PLCL2: variants seen among roughly 807,000 people sequenced by gnomAD.
PLCL2 encodes inactive phospholipase C-like protein 2.
A neutral mutation model predicts 79.6 loss-of-function variants in PLCL2; 4 were observed. The ratio of observed to expected loss-of-function variants is 0.05; its 90% CI spans 0.02 to 0.11. The LOEUF (loss-of-function observed/expected upper bound fraction) is 0.11. Among genes scored for constraint, PLCL2 ranks in the 10% least tolerant of loss-of-function variants. The pLI, the probability that PLCL2 is intolerant of heterozygous loss-of-function variation, is 1.00. For synonymous variants in PLCL2, 484 were observed against 457.7 expected (o/e 1.06, Z -0.73); for missense variants, 895 against 1,291.0 (o/e 0.69, Z 4.70).
intron 3 of PLCL2, among the ~76,000 whole-genome samples, chr3:17,029,046 G>A (rs1559524972): frequency 6.6e-6 from 1 of 152,116 alleles, no homozygotes; most frequent in Non-Finnish European, 1.5e-5. Context: ...GGCGCAGAGG[G>A]TAGAGTGGCT....
chr3:16,992,979 A>G lies in PLCL2; in HGVS notation c.328-16695A>G, dbSNP rs758322572. ...GTAGCATGGACTCCCAGACTGGACAAGGTGAAGCCTACAGGTTGAAAGGTG... is the reference window on the plus strand; with the variant it reads ...GTAGCATGGACTCCCAGACTGGACAGGGTGAAGCCTACAGGTTGAAAGGTG... On this transcript the variant is annotated intron_variant, in intron 1 of 5. Transcript: ENST00000615277. Among the ~76,000 whole-genome samples the G allele has an allele frequency of 1.3e-3, 191 of 152,208 alleles. 3 individuals are homozygous for G. The highest frequency in any genetic ancestry group is 4.1e-4 in the Non-Finnish European group (28 of 68,032).
intron 3 of PLCL2, among the ~76,000 whole-genome samples, chr3:17,027,967 A>G (rs981904130): frequency 1.3e-5 from 2 of 152,232 alleles, no homozygotes; most frequent in Non-Finnish European, 2.9e-5. Flanking sequence ...GCTGTGTGCT[A>G]TAACTCAATA....
chr3:17,009,825 A>C lies in PLCL2; in HGVS notation c.479A>C (p.His160Pro). The C allele has an allele frequency of 6.2e-7, 1 of 1,613,844 alleles. No individual in the cohort carries two copies. Among genetic ancestry groups the C allele is most frequent in the Non-Finnish European group, 8.5e-7 (1 of 1,179,730 alleles). ...GTTCGCTCCAACTCTAGAATTTATC[A>C]TAGGTACTTTTTACTGGATGCTGAC... ...KKVRSNSRIY[H>P]RYFLLDADMQ... Residue 160 changes from histidine (H) to proline (P), a missense_variant, in exon 2 of 6, where the codon CAT (histidine) becomes CCT (proline). Physicochemically the swap from His to Pro is moderately conservative, Grantham distance 77 (BLOSUM62 -2). Coordinates refer to ENST00000615277, the MANE Select transcript of PLCL2 (RefSeq NM_001144382.2). This position sits in a 1 kb window ranked among gnomAD's most constrained non-coding sequence, Gnocchi z 4.0.
intron 1 of PLCL2, among the ~76,000 whole-genome samples, chr3:16,981,676 A>G (rs2064000298): frequency 6.6e-6 from 1 of 152,240 alleles, no homozygotes; most frequent in Non-Finnish European, 1.5e-5. Context: ...CCCTTAGTAC[A>G]AAAGTAGTTG....
At chr3:17,067,031 CA>C (rs905895583) in intron 4 of PLCL2, among the ~76,000 whole-genome samples, 5 of 151,416 alleles carry the variant, frequency 3.3e-5, no homozygotes, top group African/African-American at 1.2e-4. Flanking sequence ...AAATTACATC[CA>C]AAAAAAGCAC....
At chr3:16,957,301 A>G (rs1427443103) in intron 1 of PLCL2, among the ~76,000 whole-genome samples, 2 of 152,192 alleles carry the variant, frequency 1.3e-5, no homozygotes, top group African/African-American at 4.8e-5. Flanking sequence ...GTAGTCACTC[A>G]GGAGCAGGTT....
At chr3:17,039,881 C>T (rs2064701809) in intron 3 of PLCL2, among the ~76,000 whole-genome samples, 2 of 152,184 alleles carry the variant, frequency 1.3e-5, no homozygotes, top group Admixed American at 1.3e-4. Context: ...TCATTATCAG[C>T]AGAGGAACTT....
intron 4 of PLCL2, among the ~76,000 whole-genome samples, chr3:17,052,654 C>T (rs1040765924): frequency 9.2e-5 from 14 of 152,200 alleles, no homozygotes; most frequent in Admixed American, 2.6e-4. Flanking sequence ...TTCCTTCTGC[C>T]TCCTCCACCT....
chr3:16,904,888 C>A (rs1696715772), intron 1 of PLCL2, among the ~76,000 whole-genome samples: 1 of 152,130 alleles, frequency 6.6e-6, no homozygotes, highest in African/African-American at 2.4e-5. Context: ...GTTTGCTTCC[C>A]CTTCTGCCAT....
At chr3:16,997,159 A>G (rs1006164324) in intron 1 of PLCL2, among the ~76,000 whole-genome samples, 18 of 152,206 alleles carry the variant, frequency 1.2e-4, no homozygotes, top group African/African-American at 4.3e-4. Context: ...TATTAAGATG[A>G]CCAGTTCATT....
intron 1 of PLCL2, among the ~76,000 whole-genome samples, chr3:16,906,318 T>G (rs1473297209): frequency 1.3e-5 from 2 of 152,154 alleles, no homozygotes; most frequent in African/African-American, 4.8e-5. Flanking sequence ...AAGGAAGATG[T>G]GGAATATACA....
intron 4 of PLCL2, among the ~76,000 whole-genome samples, chr3:17,052,257 G>GA (rs1174564497): frequency 2.7e-5 from 4 of 145,538 alleles, no homozygotes; most frequent in Admixed American, 1.4e-4. Context: ...AAAAAAATTG[G>GA]GGGGGGGTGA....
intron 1 of PLCL2, among the ~76,000 whole-genome samples, chr3:16,954,196 T>C (rs1443440619): frequency 6.6e-6 from 1 of 152,108 alleles, no homozygotes; most frequent in Non-Finnish European, 1.5e-5. Context: ...CCCACAACAG[T>C]CACTGGAGTG....
intron 1 of PLCL2, among the ~76,000 whole-genome samples, chr3:16,980,892 G>A (rs943866466): frequency 6.6e-6 from 1 of 152,224 alleles, no homozygotes; most frequent in East Asian, 1.9e-4. Flanking sequence ...CCGGCACCTC[G>A]GGAGGCCGAG....
At chr3:16,918,513 G>A (rs917051065) in intron 1 of PLCL2, among the ~76,000 whole-genome samples, 2 of 152,122 alleles carry the variant, frequency 1.3e-5, no homozygotes, top group Admixed American at 1.3e-4. Flanking sequence ...TTTATGCAAT[G>A]TATGGAAAGT....
intron 1 of PLCL2, among the ~76,000 whole-genome samples, chr3:16,927,826 G>A (rs762846429): frequency 1.4e-4 from 22 of 152,134 alleles, no homozygotes; most frequent in Non-Finnish European, 2.4e-4. Flanking sequence ...GATACTCCAG[G>A]AAAATATTCT....
At chr3:17,079,214 C>G (rs968019355) in intron 5 of PLCL2, among the ~76,000 whole-genome samples, 7 of 152,076 alleles carry the variant, frequency 4.6e-5, no homozygotes, top group African/African-American at 1.7e-4. Flanking sequence ...TGCATCCTCT[C>G]TCTACACAGC....
chr3:17,039,394 A>G (rs532996292), intron 3 of PLCL2, among the ~76,000 whole-genome samples: 1 of 152,364 alleles, frequency 6.6e-6, no homozygotes, highest in Admixed American at 6.5e-5. Flanking sequence ...AGGAGCCCAC[A>G]GTCCTGAGAG....
chr3:17,036,295 T>A (rs2064655020), intron 3 of PLCL2, among the ~76,000 whole-genome samples: 1 of 152,186 alleles, frequency 6.6e-6, no homozygotes. Context: ...CAGTGTAAAT[T>A]TGTGACTTAT....
Sources: allele counts gnomAD v4.1 joint callset (sites outside exome capture counted in the v4.1 genomes callset), GRCh38; gene constraint gnomAD v4.1.1; non-coding constraint Gnocchi (gnomAD v3.1); transcripts MANE v1.5; gene names NCBI Gene and HGNC (gene_info 2026-07-23, HGNC 2026-07-21).